Variants in ZNF48 observed in about 807,000 individuals in gnomAD.
ZNF48 encodes the protein zinc finger protein 48.
ZNF48 carries 20 observed loss-of-function variants against 40.0 expected under a neutral mutation model. That is an observed-to-expected ratio of 0.50 (90% confidence interval 0.35 to 0.73). ZNF48 has a LOEUF of 0.73. ZNF48 is among the 30% of genes least tolerant of loss of function. The probability of loss-of-function intolerance (pLI) is 0.01; values close to 1 mark genes in which losing one functional copy is unlikely to be tolerated. For synonymous variants in ZNF48, 298 were observed against 329.7 expected, an observed-to-expected ratio of 0.90 and a Z score of 1.04; for missense variants, 726 against 851.9, an observed-to-expected ratio of 0.85 and a Z score of 1.84.
At position 30,381,920 on chromosome 16, in the gene ZNF48, C is replaced by T. The variant is rs779984855; in HGVS notation, c.-16+3510C>T. 54 of 1,612,220 alleles carry T rather than the reference C, an allele frequency of 3.3e-5. No homozygotes were observed. The highest frequency in any genetic ancestry group is 4.4e-5 in the Non-Finnish European group (52 of 1,179,164). On this transcript the variant is annotated intron_variant, in intron 1 of 2. Coordinates refer to the ZNF48 transcript ENST00000528032. The surrounding 1 kb of genome is among the most constrained non-coding windows in gnomAD (Gnocchi z 4.3). ...GGGAGAGGTCAGGGATCCGGGGAGG[C>T]TCTGAGGCAGAATTAATTTCCTTTG...
In ZNF48 at chr16:30,381,281, G is replaced by GGCA. The variant is rs1567425357; in HGVS notation, c.-16+2873_-16+2875dup. 6.2e-7 allele frequency: 1 copy of GGCA among 1,612,574 alleles called. No homozygotes were observed. The highest frequency in any genetic ancestry group is 1.7e-5 in the Admixed American group (1 of 59,988). On this transcript the variant is annotated intron_variant, in intron 1 of 2. Transcript: ENST00000528032. This position sits in a 1 kb window ranked among gnomAD's most constrained non-coding sequence, Gnocchi z 4.3. ...GATTGGTCATTGCCCAGCCTCAGGG[G>GGCA]GCAGAGACCCCCCAGCCCTCCCTAA...
intron 1 of ZNF48, chr16:30,378,594 C>T (rs377366007): frequency 1.9e-6 from 3 of 1,610,234 alleles, no homozygotes; most frequent in Non-Finnish European, 2.5e-6. Context: ...CGGGGGGAAG[C>T]GAGGTGCGTG....
At chr16:30,378,425 G>A in intron 1 of ZNF48, 1 of 1,563,516 alleles carries the variant, frequency 6.4e-7, no homozygotes. Context: ...GGCCGGGCGG[G>A]GCGTGGCCTC....
Position 30,399,360 on chromosome 16 carries a change from C to T in ZNF48, c.*253C>T. On this transcript the variant is annotated 3_prime_UTR_variant, in exon 3 of 3. Coordinates refer to ENST00000613509, the MANE Select transcript of ZNF48 (RefSeq NM_001214909.2). ...GACTGCCTAGCACACAGTAGGCATT[C>T]AATACTTGTTGAATAAATAAACTGG... 1 of 414,960 alleles carries T rather than the reference C, an allele frequency of 2.4e-6. No homozygotes were observed. Among genetic ancestry groups the T allele is most frequent in the Admixed American group, 4.0e-5 (1 of 25,132 alleles). 25.7% of individuals were successfully genotyped at this position (414,960 alleles called of 1,614,324 possible). A position where few individuals can be genotyped will look rare whatever the true frequency, so the allele number is the denominator to read the frequency against.
chr16:30,378,660 TG>T (rs749998572), intron 1 of ZNF48: 1 of 1,607,684 alleles, frequency 6.2e-7, no homozygotes, highest in South Asian at 1.1e-5. Flanking sequence ...AGAGGCAGCA[TG>T]GGCAGCGGGA....
chr16:30,380,082 G>A (rs770290182), intron 1 of ZNF48: 10 of 1,469,088 alleles, frequency 6.8e-6, no homozygotes, highest in Non-Finnish European at 9.3e-6. Context: ...CACAATGACA[G>A]ACATTTCATG....
chr16:30,394,252 T>G (rs2049962980), upstream of ZNF48, among the ~76,000 whole-genome samples: 2 of 152,194 alleles, frequency 1.3e-5, no homozygotes, highest in South Asian at 4.1e-4. Context: ...AGGACAAATC[T>G]TGCAGGTGTT....
Position 30,381,713 on chromosome 16 carries a change from T to A in ZNF48, c.-16+3303T>A. 6.2e-7 allele frequency: 1 copy of A among 1,605,798 alleles called. No homozygotes were observed. The highest frequency in any genetic ancestry group is 8.5e-7 in the Non-Finnish European group (1 of 1,176,048). On this transcript the variant is annotated intron_variant, in intron 1 of 2. Transcript: ENST00000528032. The surrounding 1 kb of genome is among the most constrained non-coding windows in gnomAD (Gnocchi z 4.3). ...ACCAGTCCTGTAACTCTCCAGGGAG[T>A]CGCCACTGTGAAAGGCTGAGCCTCT...
upstream of ZNF48, among the ~76,000 whole-genome samples, chr16:30,394,371 C>G (rs2049963676): frequency 6.6e-6 from 1 of 152,158 alleles, no homozygotes; most frequent in Admixed American, 6.6e-5. Context: ...GCTGAAGACA[C>G]CTCCAGACAC....
At chr16:30,385,218 TAATATAA>T (rs1338939710) in intron 1 of ZNF48, among the ~76,000 whole-genome samples, 2,544 of 116,654 alleles carry the variant, frequency 0.022, 58 homozygotes, top group African/African-American at 0.073. Context: ...ATAATAATAA[TAATATAA>T]ATAAATAAAT....
Position 30,399,036 on chromosome 16 carries a change from C to A in ZNF48, c.1786C>A (p.Leu596Met), listed in dbSNP as rs1290072287. Residue 596 changes from leucine to methionine, a missense_variant, in exon 3 of 3, where the codon CTG becomes ATG. Coordinates refer to ENST00000613509, the MANE Select transcript of ZNF48 (RefSeq NM_001214909.2). The stretch of plus-strand genomic sequence containing the variant: ...CAAGCACCAGCGTGGGCACCTGGTC[C>A]TGACGCCCTTTGGGATAGGGGATGG... ...RIKHQRGHLV[L>M]TPFGIGDGRA... 6.2e-7 allele frequency: 1 copy of A among 1,613,416 alleles called. No homozygotes were observed. The highest frequency in any genetic ancestry group is 1.7e-5 in the Admixed American group (1 of 59,966).
chr16:30,383,283 G>A (rs2049873805), intron 1 of ZNF48, among the ~76,000 whole-genome samples: 1 of 152,160 alleles, frequency 6.6e-6, no homozygotes, highest in South Asian at 2.1e-4. Context: ...CCACCTCCCG[G>A]GTTCCCGCCA....
Position 30,398,122 on chromosome 16 carries a change from T to G in ZNF48, c.872T>G (p.Leu291Arg). 4 of 1,613,672 alleles carry G rather than the reference T, an allele frequency of 2.5e-6. No individual in the cohort carries two copies. The highest frequency in any genetic ancestry group is 3.4e-6 in the Non-Finnish European group (4 of 1,179,700). ...AGGTTTGTGCTCAGCTGCAGCCTCC[T>G]GAGTCACCAGCGTAGTCACTTGGGG... The part of the protein sequence containing the change: ...GKRFVLSCSL[L>R]SHQRSHLGPK... The change falls in exon 3 of 3, where the codon CTG (leucine) becomes CGG (arginine). Residue 291 changes from leucine (L) to arginine (R), a missense_variant. Leu to Arg is a moderately radical substitution (Grantham distance 102). This residue lies in a region of ZNF48 where 378 missense variants were observed against 449.1 expected (regional missense o/e 0.84). Coordinates refer to ENST00000613509, the MANE Select transcript of ZNF48 (RefSeq NM_001214909.2). This position sits in a 1 kb window ranked among gnomAD's most constrained non-coding sequence, Gnocchi z 6.6.
At position 30,378,585 on chromosome 16, in the gene ZNF48, G is replaced by A. The variant is rs1241856851; in HGVS notation, c.-16+175G>A. 9 of 1,609,584 alleles carry A rather than the reference G, an allele frequency of 5.6e-6. No homozygotes were observed. The East Asian group carries it at 8.9e-5, about 16-fold the overall frequency. ...CAGAGGGGGACCTGGGGCATCGGTC[G>A]GGGGGAAGCGAGGTGCGTGCTCACC... On this transcript the variant is annotated intron_variant, in intron 1 of 2. Transcript: ENST00000528032.
chr16:30,393,613 G>C (rs935197798), upstream of ZNF48, among the ~76,000 whole-genome samples: 7 of 152,026 alleles, frequency 4.6e-5, no homozygotes, highest in Non-Finnish European at 7.4e-5. Flanking sequence ...TCAAACTCCT[G>C]ACCTCATGTA....
At position 30,381,407 on chromosome 16, in the gene ZNF48, C is replaced by T; in HGVS notation, c.-16+2997C>T. 1 of 1,613,894 alleles carries T rather than the reference C, an allele frequency of 6.2e-7. No individual in the cohort carries two copies. ...GGGAGTCCTGGATGTTCTTCCGGTT[C>T]AGGCCACTCTCATCCCTAAGGTACT... On this transcript the variant is annotated intron_variant, in intron 1 of 2. Transcript: ENST00000528032. This position sits in a 1 kb window ranked among gnomAD's most constrained non-coding sequence, Gnocchi z 4.3.
In ZNF48 at chr16:30,382,414, G is replaced by T; in HGVS notation, c.-16+4004G>T. On this transcript the variant is annotated intron_variant, in intron 1 of 2. Transcript: ENST00000528032. The surrounding 1 kb of genome is among the most constrained non-coding windows in gnomAD (Gnocchi z 4.8). ...GAGGCTGCTGGCAATGGCAGGCAGG[G>T]TCCCCAGGATCACTTGAGTTCCTGG... 1.3e-6 allele frequency: 2 copies of T among 1,571,212 alleles called. No individual in the cohort carries two copies. Among genetic ancestry groups the T allele is most frequent in the Non-Finnish European group, 1.7e-6 (2 of 1,148,546 alleles).
chr16:30,381,939 TC>T lies in ZNF48; in HGVS notation c.-16+3531del. ...GGGAGGCTCTGAGGCAGAATTAATTTCCTTTGTCAATATCACAGTTGCCTGC... is the reference window on the plus strand; with the variant it reads ...GGGAGGCTCTGAGGCAGAATTAATTTCTTTGTCAATATCACAGTTGCCTGC... On this transcript the variant is annotated intron_variant, in intron 1 of 2. Transcript: ENST00000528032. This position sits in a 1 kb window ranked among gnomAD's most constrained non-coding sequence, Gnocchi z 4.3. 6.2e-7 allele frequency: 1 copy of T among 1,610,114 alleles called. No individual in the cohort carries two copies. The highest frequency in any genetic ancestry group is 2.2e-5 in the East Asian group (1 of 44,852).
At position 30,398,084 on chromosome 16, in the gene ZNF48, T is replaced by C. The variant is rs2050006702; in HGVS notation, c.834T>C (p.Thr278=). ...CCCAGGACAAGCCATATATCTGCAC[T>C]GATTGCGGCAAGAGGTTTGTGCTCA... The part of the protein sequence containing the change: ...PKAQDKPYIC[T]DCGKRFVLSC... Residue 278 remains threonine (T), a synonymous_variant, in exon 3 of 3, where the codon ACT becomes ACC. Transcript: ENST00000613509. The surrounding 1 kb of genome is among the most constrained non-coding windows in gnomAD (Gnocchi z 6.6). 2 of 1,613,424 alleles carry C rather than the reference T, an allele frequency of 1.2e-6. No homozygotes were observed. Among genetic ancestry groups the C allele is most frequent in the Non-Finnish European group, 1.7e-6 (2 of 1,179,568 alleles).
Sources: allele counts gnomAD v4.1 joint callset (sites outside exome capture counted in the v4.1 genomes callset), GRCh38; gene constraint gnomAD v4.1.1; regional missense constraint gnomAD v4.1.1; non-coding constraint Gnocchi (gnomAD v3.1); transcripts MANE v1.5; gene names NCBI Gene and HGNC (gene_info 2026-07-23, HGNC 2026-07-21).